Variants in NDST4 observed in about 807,000 individuals in gnomAD.
The protein encoded by NDST4 is N-heparan sulfate sulfotransferase 4.
Under a neutral mutation model 100.8 loss-of-function variants are expected in NDST4, and 63 were observed. The ratio of observed to expected loss-of-function variants is 0.62; its 90% confidence interval spans 0.51 to 0.77. The LOEUF (loss-of-function observed/expected upper bound fraction) is 0.77, where lower values mean the gene tolerates loss of function less well. NDST4 is among the 30% of genes least tolerant of loss of function. The pLI is 0.00. For synonymous variants in NDST4, 377 were observed against 361.8 expected (o/e 1.04, Z -0.48); for missense variants, 943 against 1,018.4 (o/e 0.93, Z 1.01).
intron 6 of NDST4, among the ~76,000 whole-genome samples, chr4:114,880,212 G>A (rs544520274): frequency 1.1e-4 from 17 of 152,218 alleles, no homozygotes; most frequent in South Asian, 8.3e-4. Flanking sequence ...GCTCACAACC[G>A]TACAGTTGTT....
chr4:115,077,550 A>G (rs1199023963), intron 1 of NDST4, among the ~76,000 whole-genome samples: 2 of 152,168 alleles, frequency 1.3e-5, no homozygotes, highest in Non-Finnish European at 2.9e-5. Context: ...ATCATTTTCT[A>G]ACTAATCCCA....
At position 114,993,346 on chromosome 4, in the gene NDST4, A is replaced by G. The variant is rs377466799; in HGVS notation, c.979-16072T>C. On this transcript the variant is annotated intron_variant, in intron 2 of 13. Transcript: ENST00000264363. ...TTCTTCATGTATCTGTAAGAATTGG[A>G]GTAGGCAAAAAACTTACTTGAACGT... Among the ~76,000 whole-genome samples, 8 of 152,008 alleles carry G rather than the reference A, an allele frequency of 5.3e-5. No individual in the cohort carries two copies. The South Asian group carries it at 8.3e-4, about 16-fold the overall frequency.
rs150397245 is a variant in NDST4 at position 114,964,809 on chromosome 4, A to G, written c.1221+5621T>C. Among the ~76,000 whole-genome samples, 398 of 152,264 alleles carry G rather than the reference A, an allele frequency of 2.6e-3. 1 individual carries two copies. Among genetic ancestry groups the G allele is most frequent in the African/African-American group, 9.2e-3 (383 of 41,568 alleles). On this transcript the variant is annotated intron_variant, in intron 4 of 13. Transcript: ENST00000264363. ...ACCATTCCACTCTTTGATTCTACCA[A>G]TTTGACTGTTTTAGATACCTTATAT...
chr4:115,013,740 C>T (rs1023417896), intron 2 of NDST4, among the ~76,000 whole-genome samples: 3 of 151,956 alleles, frequency 2.0e-5, no homozygotes, highest in Non-Finnish European at 4.4e-5. Context: ...TACTCAGCAG[C>T]TGATAGAATC....
Position 114,923,216 on chromosome 4 carries a change from C to G in NDST4, c.1536+11990G>C, listed in dbSNP as rs569985260. ...TGCTAAGCCAGAAGTATTTGCTTTC[C>G]TCAAATATAAAAATAGGAAAATATC... is the stretch of plus-strand genomic sequence containing the variant. On this transcript the variant is annotated intron_variant, in intron 6 of 13. Transcript: ENST00000264363. Among the ~76,000 whole-genome samples the G allele has an allele frequency of 3.9e-5, 6 of 152,152 alleles. No individual in the cohort carries two copies. In the South Asian group the frequency reaches 6.2e-4, roughly 16 times the overall value.
chr4:114,875,142 C>A (rs544931670), intron 6 of NDST4, among the ~76,000 whole-genome samples: 1 of 152,272 alleles, frequency 6.6e-6, no homozygotes, highest in Admixed American at 6.5e-5. Context: ...AGGCCAATTG[C>A]AGCAGGCCTT....
At chr4:114,916,744 T>C (rs1453814337) in intron 6 of NDST4, among the ~76,000 whole-genome samples, 2 of 151,774 alleles carry the variant, frequency 1.3e-5, no homozygotes, top group Non-Finnish European at 2.9e-5. Context: ...CCAGCCTGGA[T>C]TTGAACTCTT....
chr4:115,021,351 A>G (rs1046508876), intron 2 of NDST4, among the ~76,000 whole-genome samples: 1 of 145,858 alleles, frequency 6.9e-6, no homozygotes, highest in Admixed American at 6.7e-5. Context: ...CCATATATAC[A>G]TATTCCATAT....
chr4:115,015,663 A>G lies in NDST4; in HGVS notation c.979-38389T>C, dbSNP rs376006025. ...GTGACCTCAGCAGAGGAGGATTTTA[A>G]TAACCAAGTAGATAGTACTAATTGT... On this transcript the variant is annotated intron_variant, in intron 2 of 13. Transcript: ENST00000264363. 1.6e-4 allele frequency among the ~76,000 whole-genome samples: 25 copies of G among 152,204 alleles called. No individual in the cohort carries two copies. The East Asian group carries it at 3.1e-3, about 19-fold the overall frequency.
intron 1 of NDST4, among the ~76,000 whole-genome samples, chr4:115,097,558 T>C (rs1030094551): frequency 1.3e-5 from 2 of 152,152 alleles, no homozygotes; most frequent in Non-Finnish European, 1.5e-5. Flanking sequence ...ACAATTCCCA[T>C]GGCTATCACC....
chr4:114,995,168 T>A (rs2126253385), intron 2 of NDST4, among the ~76,000 whole-genome samples: 1 of 152,182 alleles, frequency 6.6e-6, no homozygotes, highest in Non-Finnish European at 1.5e-5. Context: ...GCTATGCAGT[T>A]ATAAACAGTC....
intron 2 of NDST4, among the ~76,000 whole-genome samples, chr4:115,055,255 ATTATT>A (rs1446214382): frequency 1.3e-5 from 2 of 152,102 alleles, no homozygotes; most frequent in Non-Finnish European, 2.9e-5. Context: ...AACGTGTATA[ATTATT>A]TCATAATATA....
chr4:115,062,767 A>G (rs927987280), intron 2 of NDST4, among the ~76,000 whole-genome samples: 1 of 151,964 alleles, frequency 6.6e-6, no homozygotes, highest in African/African-American at 2.4e-5. Flanking sequence ...AAATATAAAA[A>G]TTTTAATGTT....
chr4:115,022,406 T>TATATATGTGTTCC (rs1727865561), intron 2 of NDST4, among the ~76,000 whole-genome samples: 1 of 68,164 alleles, frequency 1.5e-5, no homozygotes, highest in South Asian at 4.3e-4. Context: ...ATGTGTTCCA[T>TATATATGTGTTCC]ATATATGTGT....
At chr4:115,020,988 A>G (rs2126264544) in intron 2 of NDST4, among the ~76,000 whole-genome samples, 1 of 152,234 alleles carries the variant, frequency 6.6e-6, no homozygotes, top group East Asian at 1.9e-4. Flanking sequence ...TACAACCACT[A>G]TGGAAAACAA....
At position 114,845,804 on chromosome 4, in the gene NDST4, A is replaced by AT. The variant is rs768855557; in HGVS notation, c.2115+18dup. ...AGCTATAACAAAATGCTTTTAGCCG[A>AT]TTTTTTTACTGACCATACCTGGTAC... is the stretch of plus-strand genomic sequence containing the variant. On this transcript the variant is annotated intron_variant, in intron 10 of 13. Coordinates refer to ENST00000264363, the MANE Select transcript of NDST4 (RefSeq NM_022569.3). 59 of 1,584,254 alleles carry AT rather than the reference A, an allele frequency of 3.7e-5. No individual in the cohort carries two copies. The highest frequency in any genetic ancestry group is 2.5e-4 in the South Asian group (22 of 88,084).
chr4:114,948,100 G>A (rs1239184921), intron 4 of NDST4, among the ~76,000 whole-genome samples: 3 of 152,020 alleles, frequency 2.0e-5, no homozygotes, highest in South Asian at 2.1e-4. Flanking sequence ...GAGTAGATTA[G>A]CATAAACTAC....
chr4:114,835,794 C>T (rs1723294205), intron 11 of NDST4, among the ~76,000 whole-genome samples: 1 of 152,144 alleles, frequency 6.6e-6, no homozygotes, highest in South Asian at 2.1e-4. Flanking sequence ...TCTGGGTGCA[C>T]CTGTATTTGG....
intron 2 of NDST4, among the ~76,000 whole-genome samples, chr4:115,037,690 T>C (rs1728263523): frequency 1.3e-5 from 2 of 152,114 alleles, no homozygotes; most frequent in Admixed American, 6.6e-5. Flanking sequence ...GACTAAATAG[T>C]TGGTTTGAGT....
Sources: allele counts gnomAD v4.1 joint callset (sites outside exome capture counted in the v4.1 genomes callset), GRCh38; gene constraint gnomAD v4.1.1; transcripts MANE v1.5; gene names NCBI Gene and HGNC (gene_info 2026-07-23, HGNC 2026-07-21).